Variants in EDA observed in about 807,000 individuals in gnomAD.
EDA encodes the protein ectodysplasin A.
EDA carries 2 observed loss-of-function variants against 23.6 expected under a neutral mutation model. That is an observed-to-expected ratio of 0.08 (90% CI 0.03 to 0.27). The LOEUF is 0.27. Ranked by LOEUF, EDA falls within the 10% of genes least tolerant of loss-of-function variation. EDA has a pLI of 1.00. For synonymous variants in EDA, 131 were observed against 132.0 expected (o/e 0.99, Z 0.05); for missense variants, 229 against 324.2 (o/e 0.71, Z 2.26).
intron 2 of EDA, among the ~76,000 whole-genome samples, chrX:69,988,627 G>A (rs774782996): frequency 1.3e-4 from 15 of 111,791 alleles, no homozygotes; most frequent in African/African-American, 3.9e-4. Context: ...AGGCCGAGGC[G>A]GGTGGACCAC....
intron 1 of EDA, among the ~76,000 whole-genome samples, chrX:69,912,880 ACCTCAG>A (rs758276605): frequency 2.9e-5 from 3 of 104,185 alleles, no homozygotes; most frequent in Non-Finnish European, 3.9e-5. Context: ...CAATTCTCCC[ACCTCAG>A]CCTCCTGAGT....
chrX:69,651,940 G>A (rs1933120618), intron 1 of EDA, among the ~76,000 whole-genome samples: 1 of 110,593 alleles, frequency 9.0e-6, no homozygotes, highest in African/African-American at 3.3e-5. Flanking sequence ...GGGAAGTGAG[G>A]TGTGCCCACC....
At position 69,785,468 on chromosome X, in the gene EDA, C is replaced by T. The variant is rs746782461; in HGVS notation, c.396+168764C>T. Among the ~76,000 whole-genome samples, 11 of 105,702 alleles carry T rather than the reference C, an allele frequency of 1.0e-4. 1 individual carries two copies. In the South Asian group the frequency reaches 2.1e-3, roughly 20 times the overall value. The allele number at this position is 105,702 out of a possible 115,157, so 91.8% of individuals were successfully genotyped here. On this transcript the variant is annotated intron_variant, in intron 1 of 7. Transcript: ENST00000374552. Reference sequence around the variant, plus strand: ...TCTTATTATTTTGAGATATGTCCCACCAATACCTAATTTATTGAGAGTTTT... The same window carrying T: ...TCTTATTATTTTGAGATATGTCCCATCAATACCTAATTTATTGAGAGTTTT...
chrX:69,773,419 G>A lies in EDA; in HGVS notation c.396+156715G>A, dbSNP rs186995810. 7.0e-4 allele frequency among the ~76,000 whole-genome samples: 78 copies of A among 111,618 alleles called. 1 individual carries two copies. The highest frequency in any genetic ancestry group is 9.8e-4 in the Non-Finnish European group (52 of 53,119). ...TGTCGCTGCTTTCAATTCTTTTGGC[G>A]ATATACCTAGAAGTGGAATTTCTGG... is the stretch of plus-strand genomic sequence containing the variant. On this transcript the variant is annotated intron_variant, in intron 1 of 7. Coordinates refer to ENST00000374552, the MANE Select transcript of EDA (RefSeq NM_001399.5).
intron 1 of EDA, among the ~76,000 whole-genome samples, chrX:69,682,695 G>T (rs190841303): frequency 3.6e-5 from 4 of 111,170 alleles, no homozygotes; most frequent in African/African-American, 1.3e-4. Context: ...CACGGTTCAC[G>T]CACCCACTGA....
At chrX:69,835,864 TC>T (rs2016759183) in intron 1 of EDA, among the ~76,000 whole-genome samples, 1 of 111,918 alleles carries the variant, frequency 8.9e-6, no homozygotes, top group South Asian at 3.8e-4. Context: ...CTACCTTTGG[TC>T]TTTGATGTTG....
chrX:69,783,197 G>T (rs1424157800), intron 1 of EDA, among the ~76,000 whole-genome samples: 1 of 111,660 alleles, frequency 9.0e-6, no homozygotes, highest in East Asian at 2.8e-4. Context: ...GTTCTCGCTG[G>T]ATTAAATAGA....
At chrX:69,947,232 C>T (rs1171958203) in intron 1 of EDA, among the ~76,000 whole-genome samples, 3 of 112,634 alleles carry the variant, frequency 2.7e-5, no homozygotes, top group African/African-American at 9.7e-5. Context: ...GATGTCACTA[C>T]TGATCTAATC....
At chrX:69,621,360 G>A (rs1358567439) in intron 1 of EDA, among the ~76,000 whole-genome samples, 1 of 111,364 alleles carries the variant, frequency 9.0e-6, no homozygotes, top group Non-Finnish European at 1.9e-5. Context: ...CTTTTCTATT[G>A]AAGTATAACT....
intron 1 of EDA, among the ~76,000 whole-genome samples, chrX:69,930,155 T>C (rs970084167): frequency 8.9e-6 from 1 of 111,812 alleles, no homozygotes; most frequent in African/African-American, 3.3e-5. Flanking sequence ...TGTATTTGAC[T>C]AGAGCAAGTA....
chrX:69,825,243 C>T (rs1323977095), intron 1 of EDA, among the ~76,000 whole-genome samples: 6 of 89,816 alleles, frequency 6.7e-5, no homozygotes, highest in Admixed American at 1.3e-4. Context: ...CCCTCTTTTT[C>T]TATTGATTGG....
intron 1 of EDA, among the ~76,000 whole-genome samples, chrX:69,930,835 AG>A: frequency 1.8e-5 from 2 of 111,803 alleles, no homozygotes; most frequent in Middle Eastern, 4.6e-3. Flanking sequence ...CACAGGATAC[AG>A]GGTCATTATT....
At chrX:69,864,913 C>T (rs2017459795) in intron 1 of EDA, among the ~76,000 whole-genome samples, 1 of 111,193 alleles carries the variant, frequency 9.0e-6, no homozygotes, top group African/African-American at 3.3e-5. Context: ...ACTGCTTGAA[C>T]CTGGGAGGTG....
rs186043896 is a variant in EDA at position 69,999,416 on chromosome X, C to A, written c.503-23802C>A. 4.7e-3 allele frequency among the ~76,000 whole-genome samples: 519 copies of A among 110,135 alleles called. 4 individuals carry two copies. The highest frequency in any genetic ancestry group is 0.017 in the African/African-American group (506 of 30,238). On this transcript the variant is annotated intron_variant, in intron 2 of 7. Transcript: ENST00000374552. The stretch of plus-strand genomic sequence containing the variant: ...TCACTTGAGGTCAGGAGTTCAAAAC[C>A]AGCCTGGCCAATATGGTGAAACCCC...
chrX:70,019,012 C>T (rs147132083), intron 2 of EDA, among the ~76,000 whole-genome samples: 1 of 111,364 alleles, frequency 9.0e-6, no homozygotes, highest in African/African-American at 3.3e-5. Context: ...AACAAGCAAC[C>T]CCATTAAAGA....
intron 2 of EDA, among the ~76,000 whole-genome samples, chrX:69,995,363 C>G (rs1379224393): frequency 8.9e-6 from 1 of 112,043 alleles, no homozygotes; most frequent in East Asian, 2.8e-4. Flanking sequence ...CTATGAGTTA[C>G]AGTTTTCTGG....
intron 2 of EDA, among the ~76,000 whole-genome samples, chrX:69,978,701 CT>C (rs777908943): frequency 9.0e-6 from 1 of 110,633 alleles, no homozygotes; most frequent in African/African-American, 3.3e-5. Context: ...CTCAATTCCC[CT>C]ATTCCCTCTC....
At chrX:69,875,734 C>T (rs2017633382) in intron 1 of EDA, among the ~76,000 whole-genome samples, 1 of 111,053 alleles carries the variant, frequency 9.0e-6, no homozygotes, top group Admixed American at 9.6e-5. Flanking sequence ...ACAAACTATG[C>T]ATCTGACAAA....
chrX:69,800,669 A>G (rs985871081), intron 1 of EDA, among the ~76,000 whole-genome samples: 11 of 111,964 alleles, frequency 9.8e-5, no homozygotes, highest in African/African-American at 3.2e-4. Flanking sequence ...TCAGCCACCA[A>G]TATAGTATGT....
Sources: allele counts gnomAD v4.1 joint callset (sites outside exome capture counted in the v4.1 genomes callset), GRCh38; gene constraint gnomAD v4.1.1; transcripts MANE v1.5; gene names NCBI Gene and HGNC (gene_info 2026-07-23, HGNC 2026-07-21).